Variants in ATAT1 observed in about 807,000 individuals in gnomAD.
The protein encoded by ATAT1 is alpha-tubulin N-acetyltransferase 1.
A neutral mutation model predicts 57.2 loss-of-function variants in ATAT1; 42 were observed. That is an observed-to-expected ratio of 0.73 (90% CI 0.57 to 0.95). The LOEUF is 0.95. Among genes scored for constraint, ATAT1 ranks in the 40% least tolerant of loss-of-function variants. ATAT1 has a pLI of 0.00. For synonymous variants in ATAT1, 168 were observed against 187.1 expected (o/e 0.90, Z 0.83); for missense variants, 454 against 523.7 (o/e 0.87, Z 1.30).
At chr6:30,646,346 G>C (rs901804301) in intron 12 of ATAT1, 123 bp from the exon 13 acceptor site, 7 of 1,446,974 alleles carry the variant, frequency 4.8e-6, no homozygotes, top group Non-Finnish European at 6.4e-6. Context: ...AGCACTAATG[G>C]TTCCAGCTTC....
At chr6:30,637,203 G>A (rs908184359) in intron 6 of ATAT1, among the ~76,000 whole-genome samples, 1 of 152,076 alleles carries the variant, frequency 6.6e-6, no homozygotes, top group Non-Finnish European at 1.5e-5. Context: ...GCTCTATGTG[G>A]TATCTATATG....
At chr6:30,637,682 TAAAA>T (rs529959080) in intron 6 of ATAT1, among the ~76,000 whole-genome samples, 110 of 134,898 alleles carry the variant, frequency 8.2e-4, no homozygotes, top group African/African-American at 2.6e-3. Flanking sequence ...GATTCCATGT[TAAAA>T]AAAAAAAAAG....
intron 6 of ATAT1, among the ~76,000 whole-genome samples, chr6:30,631,857 G>A (rs1762951596): frequency 6.6e-6 from 1 of 152,146 alleles, no homozygotes; most frequent in South Asian, 2.1e-4. Flanking sequence ...TACCACCAGT[G>A]TATGGCCGTG....
intron 10 of ATAT1, 142 bp from the exon 11 acceptor site, chr6:30,645,753 G>C: frequency 1.6e-6 from 1 of 610,812 alleles, no homozygotes; most frequent in South Asian, 3.6e-5. Flanking sequence ...GCACAGCTTT[G>C]ATTAAAACCT....
intron 10 of ATAT1, chr6:30,644,561 C>T: frequency 2.0e-6 from 2 of 985,170 alleles, no homozygotes; most frequent in Non-Finnish European, 2.4e-6. Flanking sequence ...GCCGGATCTC[C>T]CCATCTCCCC....
intron 10 of ATAT1, chr6:30,643,272 G>A (rs1338109106): frequency 7.0e-7 from 1 of 1,422,888 alleles, no homozygotes; most frequent in Non-Finnish European, 9.1e-7. Flanking sequence ...AGAACACCGA[G>A]ATCCATCGAG....
intron 8 of ATAT1, among the ~76,000 whole-genome samples, chr6:30,641,116 T>C (rs3130038): frequency 0.89 from 132,648 of 148,762 alleles, 58,646 homozygotes; most frequent in South Asian, 0.97. Flanking sequence ...TATACACACA[T>C]ACACACACAC....
chr6:30,644,333 C>G, intron 10 of ATAT1: 1 of 985,686 alleles, frequency 1.0e-6, no homozygotes, highest in Non-Finnish European at 1.2e-6. Context: ...TGCATCCATC[C>G]CTCCCTGGTA....
intron 10 of ATAT1, chr6:30,643,691 C>A: frequency 1.3e-6 from 2 of 1,492,622 alleles, no homozygotes; most frequent in Admixed American, 2.2e-5. Context: ...AGGATTCCCT[C>A]TTCTACTTTC....
At chr6:30,628,695 C>A (rs746847890) in intron 6 of ATAT1, among the ~76,000 whole-genome samples, 132 of 152,076 alleles carry the variant, frequency 8.7e-4, no homozygotes, top group Non-Finnish European at 1.1e-3. Flanking sequence ...ACCTCCACTT[C>A]CTGGTTTCAA....
intron 6 of ATAT1, among the ~76,000 whole-genome samples, chr6:30,634,667 AAAAAAAAAAAAAAAAACCTTGTTT>A (rs1763646894): frequency 6.7e-6 from 1 of 150,194 alleles, no homozygotes; most frequent in Non-Finnish European, 1.5e-5. Flanking sequence ...AAGGAGGAAA[AAAAAAAAAAAAAAAAACCTTGTTT>A]AAAAAAAAAA....
At chr6:30,633,220 T>C (rs368387775) in intron 6 of ATAT1, among the ~76,000 whole-genome samples, 1 of 152,082 alleles carries the variant, frequency 6.6e-6, no homozygotes, top group African/African-American at 2.4e-5. Context: ...TAGACCAGCT[T>C]TGGGGGAAAT....
At chr6:30,644,793 T>C (rs966906222) in intron 10 of ATAT1, 1 of 291,346 alleles carries the variant, frequency 3.4e-6, no homozygotes, top group South Asian at 1.3e-4. Context: ...GCCTCAGAGC[T>C]CCTGAGTCTG....
chr6:30,642,833 G>GGACCCCCCCC lies in ATAT1; in HGVS notation c.754_755insGACCCCCCCC (p.Ala252GlyfsTer51). On this transcript the variant is annotated frameshift_variant, in exon 10 of 13. Coordinates refer to ENST00000330083, the MANE Select transcript of ATAT1 (RefSeq NM_001031722.4). LOFTEE classifies it high-confidence loss of function. Reference sequence around the variant, plus strand: ...GGCCCCTCGCCGCGCCACACCTCCAGCCCACCCACCCCCCCGCTCCAGCAG... The same window carrying GGACCCCCCCC: ...GGCCCCTCGCCGCGCCACACCTCCAGGACCCCCCCCCCCACCCACCCCCCCGCTCCAGCAG... 1 of 1,537,878 alleles carries GGACCCCCCCC rather than the reference G, an allele frequency of 6.5e-7. No individual in the cohort carries two copies. The highest frequency in any genetic ancestry group is 8.7e-7 in the Non-Finnish European group (1 of 1,145,784).
At chr6:30,637,401 T>C (rs1042802823) in intron 6 of ATAT1, among the ~76,000 whole-genome samples, 2 of 151,494 alleles carry the variant, frequency 1.3e-5, no homozygotes, top group African/African-American at 4.9e-5. Flanking sequence ...GGCAAGGTCT[T>C]GCTCTGTTGC....
intron 10 of ATAT1, 191 bp downstream of exon 10, chr6:30,643,202 G>C (rs1765904749): frequency 2.1e-6 from 3 of 1,437,616 alleles, no homozygotes; most frequent in Non-Finnish European, 2.7e-6. Flanking sequence ...AGCAGAATAG[G>C]ACCTTATATG....
intron 8 of ATAT1, among the ~76,000 whole-genome samples, chr6:30,641,554 T>C (rs549279381): frequency 1.1e-4 from 16 of 152,184 alleles, no homozygotes; most frequent in African/African-American, 3.6e-4. Context: ...CGGGAGCAAG[T>C]AGAGAAGTGA....
rs773291680 is a variant in ATAT1 at position 30,642,952 on chromosome 6, C to T, written c.873C>T (p.Thr291=). 7.4e-6 allele frequency: 12 copies of T among 1,613,864 alleles called. No individual in the cohort carries two copies. Among genetic ancestry groups the T allele is most frequent in the Middle Eastern group, 1.6e-4 (1 of 6,084 alleles). Residue 291 remains threonine, a synonymous_variant, in exon 10 of 13, where the codon ACC becomes ACT. Coordinates refer to ENST00000330083, the MANE Select transcript of ATAT1 (RefSeq NM_001031722.4). ...TGCGCCTCTGCCCCCCACACCCTAC[C>T]GCCCGCCTTCTGTTGGCTGCTGACC...
chr6:30,643,817 T>G, intron 10 of ATAT1: 1 of 1,329,216 alleles, frequency 7.5e-7, no homozygotes, highest in Non-Finnish European at 9.6e-7. Context: ...ACAGGAAGTC[T>G]GATCTGTTGC....
Sources: allele counts gnomAD v4.1 joint callset (sites outside exome capture counted in the v4.1 genomes callset), GRCh38; gene constraint gnomAD v4.1.1; transcripts MANE v1.5; gene names NCBI Gene and HGNC (gene_info 2026-07-23, HGNC 2026-07-21).